The following MPZL1 variants were observed in gnomAD, a reference collection of about 807,000 sequenced individuals.
The protein encoded by MPZL1 is myelin protein zero-like protein 1.
In MPZL1, 16 loss-of-function variants were observed where a neutral mutation model predicts 29.3. The ratio of observed to expected loss-of-function variants is 0.55; its 90% CI spans 0.37 to 0.83. MPZL1 has a LOEUF of 0.83. MPZL1 is among the 40% of genes least tolerant of loss of function. The probability of loss-of-function intolerance (pLI) is 0.00; values close to 1 mark genes in which losing one functional copy is unlikely to be tolerated. For synonymous variants in MPZL1, 143 were observed against 132.0 expected (o/e 1.08, Z -0.57); for missense variants, 279 against 332.9 (o/e 0.84, Z 1.26).
chr1:167,766,232 G>C (rs1262311189), intron 2 of MPZL1, among the ~76,000 whole-genome samples: 1 of 152,104 alleles, frequency 6.6e-6, no homozygotes, highest in Non-Finnish European at 1.5e-5. Context: ...CAGAATCCTT[G>C]CTCTCACCTA....
chr1:167,738,929 C>G (rs961031823), intron 1 of MPZL1, among the ~76,000 whole-genome samples: 4 of 151,932 alleles, frequency 2.6e-5, no homozygotes, highest in Non-Finnish European at 2.9e-5. Context: ...GAGAATGGAC[C>G]AATACATATA....
chr1:167,738,938 T>C (rs757332955), intron 1 of MPZL1, among the ~76,000 whole-genome samples: 10 of 151,962 alleles, frequency 6.6e-5, no homozygotes, highest in Non-Finnish European at 1.0e-4. Context: ...CCAATACATA[T>C]ATTTTGGTTT....
rs1273975091 is a variant in MPZL1, at chr1:167,730,596, T to A, written c.91+8354T>A. ...GTCAGCTGATGTGGTTCTTGTAGGT[T>A]CTTCTCACTCATACCTCTCCCGCTA... On this transcript the variant is annotated intron_variant, in intron 1 of 5. Coordinates refer to ENST00000359523, the MANE Select transcript of MPZL1 (RefSeq NM_003953.6). Among the ~76,000 whole-genome samples the A allele has an allele frequency of 4.6e-5, 7 of 152,220 alleles. No homozygotes were observed. In the East Asian group the frequency reaches 1.4e-3, roughly 29 times the overall value.
intron 1 of MPZL1, among the ~76,000 whole-genome samples, chr1:167,763,962 A>T (rs994333952): frequency 6.6e-6 from 1 of 152,128 alleles, no homozygotes; most frequent in Non-Finnish European, 1.5e-5. Context: ...GTTGGGAGGA[A>T]TGGGGGAGTA....
intron 1 of MPZL1, among the ~76,000 whole-genome samples, chr1:167,735,441 C>G (rs551372601): frequency 3.3e-5 from 5 of 152,300 alleles, no homozygotes; most frequent in Admixed American, 2.6e-4. Flanking sequence ...TTTAGAGCCA[C>G]TCTTAAAACC....
chr1:167,761,144 A>G (rs1027973683), intron 1 of MPZL1, among the ~76,000 whole-genome samples: 1 of 152,208 alleles, frequency 6.6e-6, no homozygotes, highest in Non-Finnish European at 1.5e-5. Context: ...AGAGAACAGA[A>G]GAGGAGAGAA....
chr1:167,732,279 CT>C (rs1660287627), intron 1 of MPZL1, among the ~76,000 whole-genome samples: 2 of 152,110 alleles, frequency 1.3e-5, no homozygotes, highest in Admixed American at 1.3e-4. Context: ...AAAATATTGC[CT>C]GGGCAACATG....
chr1:167,749,731 A>G (rs1558114868), intron 1 of MPZL1, among the ~76,000 whole-genome samples: 1 of 152,224 alleles, frequency 6.6e-6, no homozygotes, highest in African/African-American at 2.4e-5. Context: ...TCAATAAGTT[A>G]CTTTCCTTTT....
chr1:167,765,321 TA>T (rs34061385), intron 1 of MPZL1: 33,410 of 192,666 alleles, frequency 0.17, 3,518 homozygotes, highest in East Asian at 0.35. Flanking sequence ...TCTATTAGTT[TA>T]AAAAAAAAAT....
intron 2 of MPZL1, among the ~76,000 whole-genome samples, chr1:167,767,748 C>T (rs1195886796): frequency 7.1e-6 from 1 of 141,836 alleles, no homozygotes. Context: ...ATCCACATGT[C>T]TGAAACTGAA....
At chr1:167,773,185 T>G in intron 3 of MPZL1, 51 bp from the exon 4 acceptor site, 1 of 1,549,188 alleles carries the variant, frequency 6.5e-7, no homozygotes, top group Non-Finnish European at 8.8e-7. Context: ...AAATTCCATG[T>G]TTTCTCTCTG....
intron 5 of MPZL1, among the ~76,000 whole-genome samples, chr1:167,777,348 GA>G (rs1558124813): frequency 1.3e-5 from 2 of 152,150 alleles, no homozygotes; most frequent in Non-Finnish European, 2.9e-5. Context: ...CAAGACAGTG[GA>G]ACACAAATTA....
intron 1 of MPZL1, among the ~76,000 whole-genome samples, chr1:167,763,380 G>A (rs553152374): frequency 9.2e-5 from 14 of 152,050 alleles, no homozygotes; most frequent in East Asian, 3.9e-4. Context: ...GCTGGGCGTC[G>A]TGGTGGGTGT....
intron 1 of MPZL1, among the ~76,000 whole-genome samples, chr1:167,738,477 C>T (rs573704438): frequency 4.6e-5 from 7 of 152,276 alleles, no homozygotes; most frequent in African/African-American, 1.7e-4. Context: ...ATTTTTCCTA[C>T]TATTTATAGC....
intron 1 of MPZL1, among the ~76,000 whole-genome samples, chr1:167,739,297 A>ATG (rs1185403121): frequency 2.6e-5 from 3 of 115,328 alleles, no homozygotes; most frequent in African/African-American, 5.1e-5. Context: ...ATATATATAT[A>ATG]TATATATATA....
chr1:167,739,286 T>TAC lies in MPZL1; in HGVS notation c.91+17045_91+17046insCA, dbSNP rs1553254293. Among the ~76,000 whole-genome samples the TAC allele has an allele frequency of 2.5e-3, 270 of 108,204 alleles. 3 individuals are homozygous for TAC. Among genetic ancestry groups the TAC allele is most frequent in the African/African-American group, 0.014 (250 of 18,154 alleles). The allele number at this position is 108,204 out of a possible 152,430, so 71.0% of individuals were successfully genotyped here. A position where few individuals can be genotyped will look rare whatever the true frequency, so the allele number is the denominator to read the frequency against. Reference sequence around the variant, plus strand: ...ACATACATATATACATATATACATATATATATATATATATATATATATACA... The same window carrying TAC: ...ACATACATATATACATATATACATATACATATATATATATATATATATATACA... On this transcript the variant is annotated intron_variant, in intron 1 of 5. Transcript: ENST00000359523.
intron 5 of MPZL1, among the ~76,000 whole-genome samples, chr1:167,781,991 A>T (rs2101798503): frequency 6.6e-6 from 1 of 152,078 alleles, no homozygotes; most frequent in African/African-American, 2.4e-5. Flanking sequence ...CTTTTTATGG[A>T]ACTCTGATTA....
At chr1:167,731,434 C>CTTTTTTTT (rs1255648939) in intron 1 of MPZL1, among the ~76,000 whole-genome samples, 1 of 121,588 alleles carries the variant, frequency 8.2e-6, no homozygotes. Flanking sequence ...AAAACTGTGT[C>CTTTTTTTT]TTTTTTTTTT....
At chr1:167,745,021 C>T (rs1368282223) in intron 1 of MPZL1, among the ~76,000 whole-genome samples, 1 of 152,080 alleles carries the variant, frequency 6.6e-6, no homozygotes, top group Non-Finnish European at 1.5e-5. Context: ...CTTACTGAGG[C>T]TTTTTGGGGA....
Sources: gnomAD v4.1 joint callset for allele counts (sites outside exome capture counted in the v4.1 genomes callset) on GRCh38, gnomAD v4.1.1 for gene constraint, MANE v1.5 for transcripts, NCBI Gene and HGNC (gene_info 2026-07-23, HGNC 2026-07-21) for gene names.